FOXN3: variants seen among roughly 807,000 people sequenced by gnomAD.
The protein encoded by FOXN3 is forkhead box N3, also known as forkhead box protein N3.
A neutral mutation model predicts 38.4 loss-of-function variants in FOXN3; 7 were observed. The ratio of observed to expected loss-of-function variants is 0.18; its 90% CI spans 0.10 to 0.34. The LOEUF (loss-of-function observed/expected upper bound fraction) is 0.34, where lower values mean the gene tolerates loss of function less well. FOXN3 is among the 10% of genes least tolerant of loss of function. The pLI, the probability that FOXN3 is intolerant of heterozygous loss-of-function variation, is 1.00. For synonymous variants in FOXN3, 230 were observed against 242.2 expected (o/e 0.95, Z 0.47); for missense variants, 456 against 613.4 (o/e 0.74, Z 2.71).
intron 1 of FOXN3, among the ~76,000 whole-genome samples, chr14:89,490,516 T>C (rs576087910): frequency 1.8e-4 from 27 of 152,340 alleles, no homozygotes; most frequent in African/African-American, 6.5e-4. Context: ...ACCAACTCTC[T>C]CGCTTTGAAG....
intron 1 of FOXN3, among the ~76,000 whole-genome samples, chr14:89,474,296 G>A (rs1166541312): frequency 1.3e-5 from 2 of 152,142 alleles, no homozygotes. Flanking sequence ...AATAAACAGG[G>A]GGAAAAAGAC....
intron 4 of FOXN3, among the ~76,000 whole-genome samples, chr14:89,198,211 T>C (rs1888147064): frequency 6.6e-6 from 1 of 152,222 alleles, no homozygotes; most frequent in African/African-American, 2.4e-5. Flanking sequence ...CTTGTCATTA[T>C]TCCCCCAAAC....
chr14:89,421,114 T>G (rs934156084), upstream of FOXN3, among the ~76,000 whole-genome samples: 1 of 151,514 alleles, frequency 6.6e-6, no homozygotes, highest in Non-Finnish European at 1.5e-5. Context: ...TTTGTGTGCT[T>G]CTTTCATACT....
At chr14:89,279,798 A>G (rs7160829) in intron 4 of FOXN3, among the ~76,000 whole-genome samples, 150,653 of 152,312 alleles carry the variant, frequency 0.99, 74,521 homozygotes, top group Middle Eastern at 1. Context: ...CCAATTTCAC[A>G]GGCTATTAAA....
At chr14:89,311,155 TA>T (rs199518180) in intron 3 of FOXN3, among the ~76,000 whole-genome samples, 3 of 148,296 alleles carry the variant, frequency 2.0e-5, no homozygotes, top group Admixed American at 6.8e-5. Flanking sequence ...TTATATCTTT[TA>T]AAAAAAAGAT....
intron 1 of FOXN3, among the ~76,000 whole-genome samples, chr14:89,451,660 C>T (rs765964059): frequency 3.0e-4 from 46 of 152,272 alleles, no homozygotes; most frequent in Non-Finnish European, 3.4e-4. Context: ...GACAGCCCCG[C>T]AAGTTTAATC....
At chr14:89,413,853 G>C (rs1211546654) in intron 1 of FOXN3, among the ~76,000 whole-genome samples, 4 of 144,196 alleles carry the variant, frequency 2.8e-5, no homozygotes, top group African/African-American at 5.1e-5. Flanking sequence ...AGGAGAGGAG[G>C]GGAAGGGAGG....
At chr14:89,572,436 T>C (rs572885335) in intron 1 of FOXN3, among the ~76,000 whole-genome samples, 2 of 152,356 alleles carry the variant, frequency 1.3e-5, no homozygotes, top group South Asian at 4.1e-4. Flanking sequence ...GACATGCTCA[T>C]AGGAATAAAT....
intron 1 of FOXN3, among the ~76,000 whole-genome samples, chr14:89,587,699 C>T (rs1191640647): frequency 2.0e-5 from 3 of 151,912 alleles, no homozygotes; most frequent in African/African-American, 7.3e-5. Flanking sequence ...GAAACCTCGT[C>T]TCTACTAAAA....
chr14:89,180,684 G>A lies in FOXN3; in HGVS notation c.851+17C>T. ...CCACTCCCCAGGCTGGCTCTGCCCA[G>A]CGCACTCCCCACTTACCTCATGGCC... On this transcript the variant is annotated intron_variant, in intron 5 of 5. Coordinates refer to ENST00000557258, the MANE Select transcript of FOXN3 (RefSeq NM_005197.4). 1 of 1,581,226 alleles carries A rather than the reference G, an allele frequency of 6.3e-7. No homozygotes were observed. Among genetic ancestry groups the A allele is most frequent in the Non-Finnish European group, 8.6e-7 (1 of 1,159,518 alleles).
In FOXN3 at chr14:89,598,485, A is replaced by C. The variant is rs1896101271; in HGVS notation, c.-15+20543T>G. 3.3e-5 allele frequency among the ~76,000 whole-genome samples: 5 copies of C among 152,104 alleles called. No homozygotes were observed. In the South Asian group the frequency reaches 1.0e-3, roughly 32 times the overall value. On this transcript the variant is annotated intron_variant, in intron 1 of 6. Coordinates refer to the FOXN3 transcript ENST00000345097. ...TTTTTAATGGAGACAAGGTCTCACT[A>C]TGTTGTCCAGAGTGGTCTCAAACTC...
intron 1 of FOXN3, among the ~76,000 whole-genome samples, chr14:89,483,349 G>T (rs1893380288): frequency 6.6e-6 from 1 of 152,146 alleles, no homozygotes; most frequent in Non-Finnish European, 1.5e-5. Context: ...AGCTACACTG[G>T]CCCAATCCCA....
intron 1 of FOXN3, among the ~76,000 whole-genome samples, chr14:89,591,386 T>A (rs1431780786): frequency 1.3e-5 from 2 of 152,152 alleles, no homozygotes; most frequent in East Asian, 1.9e-4. Context: ...CACAGGAGAT[T>A]AGGAGATTCT....
chr14:89,199,916 C>CAACAACAACAACAAA (rs1207871645), intron 4 of FOXN3, among the ~76,000 whole-genome samples: 1 of 152,004 alleles, frequency 6.6e-6, no homozygotes, highest in Admixed American at 6.6e-5. Context: ...ACAACAACAA[C>CAACAACAACAACAAA]AACAACAACA....
At position 89,379,851 on chromosome 14, in the gene FOXN3, G is replaced by C. The variant is rs1596240006; in HGVS notation, c.544-29043C>G. Among the ~76,000 whole-genome samples, 3 of 152,150 alleles carry C rather than the reference G, an allele frequency of 2.0e-5. 1 individual carries two copies. The highest frequency in any genetic ancestry group is 2.0e-4 in the Admixed American group (3 of 15,282). On this transcript the variant is annotated intron_variant, in intron 2 of 5. Coordinates refer to ENST00000557258, the MANE Select transcript of FOXN3 (RefSeq NM_005197.4). ...AATTTTTTTATTTTTAGTAGGGACA[G>C]AGTTTCACCACATTGGCCAGGCTGG...
intron 1 of FOXN3, among the ~76,000 whole-genome samples, chr14:89,568,530 A>G (rs1360508492): frequency 6.6e-6 from 1 of 152,220 alleles, no homozygotes; most frequent in Non-Finnish European, 1.5e-5. Flanking sequence ...CCATGTGCAC[A>G]GTGAACTCCT....
chr14:89,242,191 G>A (rs1885160247), intron 4 of FOXN3, among the ~76,000 whole-genome samples: 1 of 152,172 alleles, frequency 6.6e-6, no homozygotes, highest in Non-Finnish European at 1.5e-5. Flanking sequence ...GAAGGTACGA[G>A]TGGTGCCCGC....
At chr14:89,377,054 A>AAAAAAAAAAAAAAAAAAAAAT (rs1890502763) in intron 2 of FOXN3, among the ~76,000 whole-genome samples, 1 of 133,264 alleles carries the variant, frequency 7.5e-6, no homozygotes. Flanking sequence ...AAAAAAAAAA[A>AAAAAAAAAAAAAAAAAAAAAT]GCTTGAGCCT....
At chr14:89,415,859 C>G (rs1161881531) in intron 1 of FOXN3, among the ~76,000 whole-genome samples, 3 of 117,186 alleles carry the variant, frequency 2.6e-5, no homozygotes, top group African/African-American at 9.4e-5. Flanking sequence ...CACACACACA[C>G]ACACACACAC....
Sources: allele counts gnomAD v4.1 joint callset (sites outside exome capture counted in the v4.1 genomes callset), GRCh38; gene constraint gnomAD v4.1.1; transcripts MANE v1.5; gene names NCBI Gene and HGNC (gene_info 2026-07-23, HGNC 2026-07-21).